SRCAP: variants seen among roughly 807,000 people sequenced by gnomAD.
SRCAP encodes Snf2 related CREBBP activator protein.
A neutral mutation model predicts 263.1 loss-of-function variants in SRCAP; 46 were observed. The observed-to-expected ratio is 0.17, with a 90% CI of 0.14 to 0.22. The LOEUF is 0.22. Ranked by LOEUF, SRCAP falls within the 10% of genes least tolerant of loss-of-function variation. SRCAP has a pLI of 1.00. For missense variants in SRCAP, 3,695 were observed against 4,181.9 expected, an observed-to-expected ratio of 0.88 and a Z score of 3.21; for synonymous variants, 1,813 against 1,662.1, an observed-to-expected ratio of 1.09 and a Z score of -2.21.
In SRCAP at chr16:30,710,740, C is replaced by G; in HGVS notation, c.1135-14C>G. Reference sequence around the variant, plus strand: ...AACCTTAGACCCTTCCCTTTTTTATCTTTTGCCATACAGATAAAGCCCCCA... The same window carrying G: ...AACCTTAGACCCTTCCCTTTTTTATGTTTTGCCATACAGATAAAGCCCCCA... On this transcript the variant is annotated splice_polypyrimidine_tract_variant and intron_variant, in intron 8 of 33. Coordinates refer to ENST00000262518, the MANE Select transcript of SRCAP (RefSeq NM_006662.3). 1 of 1,613,646 alleles carries G rather than the reference C, an allele frequency of 6.2e-7. No homozygotes were observed. The highest frequency in any genetic ancestry group is 8.5e-7 in the Non-Finnish European group (1 of 1,179,750).
intron 30 of SRCAP, 104 bp from the exon 31 acceptor site, chr16:30,734,392 A>G: frequency 2.6e-6 from 4 of 1,524,110 alleles, no homozygotes; most frequent in Non-Finnish European, 3.6e-6. Flanking sequence ...GTGCGTCTTC[A>G]ACCAGTGGTA....
intron 6 of SRCAP, among the ~76,000 whole-genome samples, chr16:30,708,492 CA>C (rs2052851832): frequency 6.6e-6 from 1 of 152,250 alleles, no homozygotes; most frequent in South Asian, 2.1e-4. Context: ...CTCCCAGGCT[CA>C]AGTGATTCTC....
intron 6 of SRCAP, among the ~76,000 whole-genome samples, chr16:30,708,025 T>C (rs2052846633): frequency 6.6e-6 from 1 of 152,354 alleles, no homozygotes; most frequent in East Asian, 1.9e-4. Context: ...GTATAGTAAG[T>C]TGTAATTATT....
Position 30,713,629 on chromosome 16 carries a change from A to G in SRCAP, c.2411A>G (p.Lys804Arg). ...GTCTTCCAGTCTCATCGCGAGTTCA[A>G]GGAGTGGTTCTCTAATCCCCTAACT... ...PHVFQSHREFKEWFSNPLTGM... is the reference protein window; with the variant it reads ...PHVFQSHREFREWFSNPLTGM... Residue 804 changes from lysine (K) to arginine (R), a missense_variant, in exon 16 of 34, where the codon AAG (lysine) becomes AGG (arginine). Physicochemically the swap from Lys to Arg is conservative, Grantham distance 26. Coordinates refer to ENST00000262518, the MANE Select transcript of SRCAP (RefSeq NM_006662.3). 7 of 1,614,138 alleles carry G rather than the reference A, an allele frequency of 4.3e-6. No individual in the cohort carries two copies. The highest frequency in any genetic ancestry group is 5.1e-6 in the Non-Finnish European group (6 of 1,180,036).
At position 30,700,746 on chromosome 16, in the gene SRCAP, C is replaced by A; in HGVS notation, c.-79C>A. The A allele has an allele frequency of 7.1e-7, 1 of 1,414,104 alleles. No homozygotes were observed. The highest frequency in any genetic ancestry group is 9.9e-7 in the Non-Finnish European group (1 of 1,010,890). 87.6% of individuals were successfully genotyped at this position (1,414,104 alleles called of 1,614,324 possible). The stretch of plus-strand genomic sequence containing the variant: ...CCCAGCATGCCCTGCAGCCGGACGC[C>A]AGCCCCTCGGCCAGCAGTACTGGTG... On this transcript the variant is annotated 5_prime_UTR_variant, in exon 3 of 34. Coordinates refer to ENST00000262518, the MANE Select transcript of SRCAP (RefSeq NM_006662.3).
rs1215763438 is a variant in SRCAP, at chr16:30,737,802, G to C, written c.7762G>C (p.Val2588Leu). ...TGTGCCCCCTAAAGATCTGTTGCCA[G>C]TTGCTGTGGAGATCCTGCCTGTGTC... ...SLVPPKDLLP[V>L]AVEILPVSEK... The change falls in exon 34 of 34, where the codon GTT (valine) becomes CTT (leucine). Residue 2588 changes from valine to leucine, a missense_variant. By Grantham distance (32) the Val-to-Leu change is conservative. Around this residue, in one of 12 missense-constraint regions of SRCAP, gnomAD observed 1,207 missense variants for 1,142.9 expected, o/e 1.06. Coordinates refer to ENST00000262518, the MANE Select transcript of SRCAP (RefSeq NM_006662.3). 6.2e-7 allele frequency: 1 copy of C among 1,614,064 alleles called. No individual in the cohort carries two copies. Among genetic ancestry groups the C allele is most frequent in the Non-Finnish European group, 8.5e-7 (1 of 1,180,050 alleles).
At chr16:30,699,349 G>T in intron 1 of SRCAP, 107 bp downstream of exon 1, 2 of 396,086 alleles carry the variant, frequency 5.0e-6, no homozygotes, top group East Asian at 3.6e-5. Flanking sequence ...CGGGCCTCCT[G>T]CGGGTTCACA....
At chr16:30,735,596 G>A (rs2053153399) in intron 31 of SRCAP, among the ~76,000 whole-genome samples, 2 of 93,816 alleles carry the variant, frequency 2.1e-5, no homozygotes, top group African/African-American at 3.9e-5. Flanking sequence ...TTTTGGAGAC[G>A]GAGTCACGGA....
chr16:30,723,694 G>A lies in SRCAP; in HGVS notation c.4270G>A (p.Ala1424Thr). The A allele has an allele frequency of 6.2e-7, 1 of 1,613,898 alleles. No homozygotes were observed. Among genetic ancestry groups the A allele is most frequent in the Non-Finnish European group, 8.5e-7 (1 of 1,179,962 alleles). The change falls in exon 25 of 34, where the codon GCT (alanine) becomes ACT (threonine). Residue 1424 changes from alanine (A) to threonine (T), a missense_variant. Physicochemically the swap from Ala to Thr is moderately conservative, Grantham distance 58. Around this residue, in one of 12 missense-constraint regions of SRCAP, gnomAD observed 1,347 missense variants for 1,304.4 expected, o/e 1.03. Transcript: ENST00000262518. ...PMPIPNSSPL[A>T]SPVSSTVSVP... ...GCCAATTCCCAACTCCTCTCCCCTT[G>A]CTAGTCCTGTGTCCTCTACAGTCTC...
intron 25 of SRCAP, chr16:30,725,741 A>G (rs2053058184): frequency 6.6e-6 from 1 of 152,320 alleles, no homozygotes; most frequent in African/African-American, 2.4e-5. Flanking sequence ...AGTTTGTGCT[A>G]TAAATCATAT....
chr16:30,716,585 C>G lies in SRCAP; in HGVS notation c.2817+106C>G, dbSNP rs775688481. ...TCTGACTTTTGCATCCTCATGACTCCCCTATCATTCCCTTAGTTTTATTGT... is the reference window on the plus strand; with the variant it reads ...TCTGACTTTTGCATCCTCATGACTCGCCTATCATTCCCTTAGTTTTATTGT... On this transcript the variant is annotated intron_variant, in intron 18 of 33. Transcript: ENST00000262518. 8.5e-6 allele frequency: 8 copies of G among 936,726 alleles called. No homozygotes were observed. The South Asian group carries it at 1.3e-4, about 15-fold the overall frequency. The allele number at this position is 936,726 out of a possible 1,614,324, so 58.0% of individuals were successfully genotyped here.
chr16:30,723,537 G>A, intron 24 of SRCAP, 47 bp from the exon 25 acceptor site: 1 of 1,571,834 alleles, frequency 6.4e-7, no homozygotes, highest in Non-Finnish European at 8.6e-7. Flanking sequence ...GGAGTAGAAA[G>A]GCTCAGGAAA....
intron 10 of SRCAP, among the ~76,000 whole-genome samples, 171 bp downstream of exon 10, chr16:30,711,259 A>G (rs1158879048): frequency 1.3e-5 from 2 of 152,232 alleles, no homozygotes; most frequent in Admixed American, 6.5e-5. Context: ...ATGAGTGCTT[A>G]TGATAGAAGT....
chr16:30,739,338 G>C lies in SRCAP; in HGVS notation c.9298G>C (p.Gly3100Arg), dbSNP rs746679922. ...IQDDLDLADS[G>R]PGGLELTPPV... ...GGATGACCTGGACTTAGCAGATAGC[G>C]GGCCAGGCGGGTTGGAATTGACACC... The change falls in exon 34 of 34, where the codon GGG becomes CGG. Residue 3100 changes from glycine to arginine, a missense_variant. This residue lies in a region of SRCAP where 1,207 missense variants were observed against 1,142.9 expected (regional missense o/e 1.06). Transcript: ENST00000262518. The C allele has an allele frequency of 1.2e-6, 2 of 1,614,052 alleles. No individual in the cohort carries two copies. The highest frequency in any genetic ancestry group is 1.3e-5 in the African/African-American group (1 of 74,922).
chr16:30,724,312 C>T lies in SRCAP; in HGVS notation c.4888C>T (p.Pro1630Ser). 1 of 1,614,140 alleles carries T rather than the reference C, an allele frequency of 6.2e-7. No homozygotes were observed. Among genetic ancestry groups the T allele is most frequent in the Non-Finnish European group, 8.5e-7 (1 of 1,180,016 alleles). The change falls in exon 25 of 34, where the codon CCA (proline) becomes TCA (serine). Residue 1630 changes from proline to serine, a missense_variant. Physicochemically the swap from Pro to Ser is moderately conservative, Grantham distance 74 (BLOSUM62 -1). This residue lies in a region of SRCAP where 1,347 missense variants were observed against 1,304.4 expected (regional missense o/e 1.03). Coordinates refer to ENST00000262518, the MANE Select transcript of SRCAP (RefSeq NM_006662.3). ...PVLASSQTPV[P>S]VMAPSSTPGT... ...CCTGGCTTCATCACAGACTCCGGTTCCAGTTATGGCTCCATCGTCTACTCC... is the reference window on the plus strand; with the variant it reads ...CCTGGCTTCATCACAGACTCCGGTTTCAGTTATGGCTCCATCGTCTACTCC...
rs1315354320 is a variant in SRCAP, at chr16:30,724,226, C to T, written c.4802C>T (p.Ser1601Phe). The part of the protein sequence containing the change: ...AAPQTAILAP[S>F]PAPPLAPLPV... Reference sequence around the variant, plus strand: ...CCACAGACAGCAATTCTGGCTCCTTCTCCAGCTCCTCCTCTGGCTCCTCTT... The same window carrying T: ...CCACAGACAGCAATTCTGGCTCCTTTTCCAGCTCCTCCTCTGGCTCCTCTT... The change falls in exon 25 of 34, where the codon TCT (serine) becomes TTT (phenylalanine). Residue 1601 changes from serine to phenylalanine, a missense_variant. This residue lies in a region of SRCAP where 1,347 missense variants were observed against 1,304.4 expected (regional missense o/e 1.03). Transcript: ENST00000262518. 6.2e-7 allele frequency: 1 copy of T among 1,614,090 alleles called. No homozygotes were observed. The highest frequency in any genetic ancestry group is 1.1e-5 in the South Asian group (1 of 91,070).
rs2052904822 is a variant in SRCAP at position 30,712,712 on chromosome 16, C to G, written c.2027C>G (p.Thr676Ser). 1 of 1,613,954 alleles carries G rather than the reference C, an allele frequency of 6.2e-7. No individual in the cohort carries two copies. Among genetic ancestry groups the G allele is most frequent in the Non-Finnish European group, 8.5e-7 (1 of 1,180,022 alleles). ...NWGPHLIIVP[T>S]SVMLNWEMEL... ...GGTCCCCATTTAATCATTGTTCCCA[C>G]CAGCGTGATGTTGAACTGGGAGATG... is the stretch of plus-strand genomic sequence containing the variant. Residue 676 changes from threonine (T) to serine (S), a missense_variant, in exon 14 of 34, where the codon ACC becomes AGC. Physicochemically the swap from Thr to Ser is moderately conservative, Grantham distance 58. Transcript: ENST00000262518.
intron 25 of SRCAP, chr16:30,725,630 G>C (rs1361764907): frequency 6.5e-6 from 1 of 153,386 alleles, no homozygotes; most frequent in Admixed American, 6.5e-5. Flanking sequence ...GTTTTTACCT[G>C]ACCAGCCGCT....
intron 27 of SRCAP, among the ~76,000 whole-genome samples, chr16:30,731,518 G>T (rs950586182): frequency 6.6e-6 from 1 of 152,088 alleles, no homozygotes; most frequent in Non-Finnish European, 1.5e-5. Flanking sequence ...GTAAAAAAAA[G>T]TGTTTTTGTT....
Sources: gnomAD v4.1 joint callset for allele counts (sites outside exome capture counted in the v4.1 genomes callset) on GRCh38, gnomAD v4.1.1 for gene constraint, gnomAD v4.1.1 regional missense constraint, MANE v1.5 for transcripts, NCBI Gene and HGNC (gene_info 2026-07-23, HGNC 2026-07-21) for gene names.